The following SOX5 variants were observed in gnomAD, a reference collection of about 807,000 sequenced individuals.
SOX5 encodes the protein transcription factor SOX-5.
In SOX5, 9 loss-of-function variants were observed where a neutral mutation model predicts 92.0. The observed-to-expected ratio is 0.10, with a 90% CI of 0.06 to 0.17. The LOEUF (loss-of-function observed/expected upper bound fraction) is 0.17. Among genes scored for constraint, SOX5 ranks in the 10% least tolerant of loss-of-function variants. The pLI, the probability that SOX5 is intolerant of heterozygous loss-of-function variation, is 1.00. For missense variants in SOX5, 642 were observed against 944.5 expected (o/e 0.68, Z 4.20); for synonymous variants, 344 against 336.3 (o/e 1.02, Z -0.25).
At chr12:23,624,344 G>A (rs1177194334) in intron 8 of SOX5, among the ~76,000 whole-genome samples, 3 of 152,114 alleles carry the variant, frequency 2.0e-5, no homozygotes, top group Non-Finnish European at 4.4e-5. Flanking sequence ...TAAATTTTAT[G>A]TTAAACATAT....
At chr12:23,845,144 TACAC>T (rs970022848) in intron 3 of SOX5, among the ~76,000 whole-genome samples, 3 of 152,374 alleles carry the variant, frequency 2.0e-5, no homozygotes, top group African/African-American at 7.2e-5. Flanking sequence ...TTACACGGTA[TACAC>T]GCAGTGTATT....
At chr12:23,630,984 AGTAC>A (rs1318392365) in intron 8 of SOX5, among the ~76,000 whole-genome samples, 3 of 152,034 alleles carry the variant, frequency 2.0e-5, no homozygotes, top group South Asian at 4.1e-4. Context: ...TACATAATTA[AGTAC>A]ATTTTTCTGT....
chr12:23,738,840 G>C (rs1273560116), intron 5 of SOX5, among the ~76,000 whole-genome samples: 1 of 152,104 alleles, frequency 6.6e-6, no homozygotes, highest in Non-Finnish European at 1.5e-5. Context: ...GAGTGGTGTT[G>C]TTTTATACTG....
intron 4 of SOX5, among the ~76,000 whole-genome samples, chr12:23,980,500 T>A (rs1325751533): frequency 6.6e-6 from 1 of 152,182 alleles, no homozygotes; most frequent in East Asian, 1.9e-4. Flanking sequence ...CTACCATTGA[T>A]GTTGGGAGGT....
At chr12:23,808,335 A>G (rs2095817764) in intron 3 of SOX5, among the ~76,000 whole-genome samples, 1 of 152,084 alleles carries the variant, frequency 6.6e-6, no homozygotes, top group South Asian at 2.1e-4. Flanking sequence ...TAAGTTTTGT[A>G]TATTCCCTTA....
At chr12:23,776,514 A>T (rs143646114) in intron 3 of SOX5, among the ~76,000 whole-genome samples, 3 of 152,206 alleles carry the variant, frequency 2.0e-5, no homozygotes, top group Non-Finnish European at 1.5e-5. Context: ...GATGTTGAAG[A>T]CTTAGGCAAG....
intron 1 of SOX5, among the ~76,000 whole-genome samples, chr12:24,427,793 T>C (rs1047398036): frequency 6.6e-6 from 1 of 152,204 alleles, no homozygotes; most frequent in African/African-American, 2.4e-5. Flanking sequence ...TGGAAATATC[T>C]ACCAGCGCTT....
intron 2 of SOX5, among the ~76,000 whole-genome samples, chr12:23,886,625 T>G (rs1312257495): frequency 5.9e-5 from 9 of 152,178 alleles, no homozygotes; most frequent in Non-Finnish European, 1.2e-4. Flanking sequence ...TCACTTATAT[T>G]AAGTTTATAC....
At position 24,379,854 on chromosome 12, in the gene SOX5, T is replaced by C. The variant is rs573137907; in HGVS notation, c.-250-11215A>G. On this transcript the variant is annotated intron_variant, in intron 1 of 4. Transcript: ENST00000446891. ...CTTTAAAAAAAAAAAAGAGTCCTAA[T>C]TATTACACCTTCCAGAAGATTCTTT... Among the ~76,000 whole-genome samples the C allele has an allele frequency of 2.7e-5, 4 of 148,244 alleles. No individual in the cohort carries two copies. The South Asian group carries it at 8.5e-4, about 31-fold the overall frequency.
intron 1 of SOX5, among the ~76,000 whole-genome samples, chr12:24,458,603 G>A (rs199659570): frequency 1.3e-5 from 2 of 152,238 alleles, no homozygotes; most frequent in East Asian, 1.9e-4. Flanking sequence ...TCTAATTGCA[G>A]CCAAGATTGG....
Position 23,573,284 on chromosome 12 carries a change from CACCAAA to C in SOX5, c.1342+2371_1342+2376del, listed in dbSNP as rs1948644824. ...AACTTAGAAAAAGATGAGTTTATAT[CACCAAA>C]TTAACTTTATTTCTTCATATTCTTC... On this transcript the variant is annotated intron_variant, in intron 10 of 14. Transcript: ENST00000451604. Among the ~76,000 whole-genome samples, 4 of 152,242 alleles carry C rather than the reference CACCAAA, an allele frequency of 2.6e-5. No homozygotes were observed. In the East Asian group the frequency reaches 7.7e-4, roughly 29 times the overall value.
chr12:23,899,400 G>GAA (rs1167931566), intron 1 of SOX5, among the ~76,000 whole-genome samples: 1 of 120,014 alleles, frequency 8.3e-6, no homozygotes, highest in Non-Finnish European at 1.7e-5. Flanking sequence ...AACTCCGTCT[G>GAA]AAAAAAAAGA....
chr12:24,078,024 T>C (rs1343504236), intron 4 of SOX5, among the ~76,000 whole-genome samples: 1 of 151,854 alleles, frequency 6.6e-6, no homozygotes, highest in Non-Finnish European at 1.5e-5. Flanking sequence ...TTAGAATTTA[T>C]ATTTAAAAAG....
At chr12:23,934,665 A>T (rs147180290) in intron 1 of SOX5, among the ~76,000 whole-genome samples, 143 of 151,266 alleles carry the variant, frequency 9.5e-4, no homozygotes, top group African/African-American at 3.1e-3. Context: ...AATGTTACCT[A>T]CCATATTATA....
At chr12:24,156,578 T>A (rs1179294628) in intron 4 of SOX5, among the ~76,000 whole-genome samples, 1 of 152,144 alleles carries the variant, frequency 6.6e-6, no homozygotes, top group Non-Finnish European at 1.5e-5. Flanking sequence ...CTGCTGTATG[T>A]ATTAAAACAG....
intron 2 of SOX5, among the ~76,000 whole-genome samples, chr12:23,865,390 T>C (rs2096799609): frequency 1.3e-5 from 2 of 152,160 alleles, no homozygotes; most frequent in African/African-American, 2.4e-5. Flanking sequence ...GAAATACATT[T>C]TGGGGCCAAG....
At chr12:24,387,456 A>G (rs1958539059) in intron 1 of SOX5, among the ~76,000 whole-genome samples, 1 of 152,164 alleles carries the variant, frequency 6.6e-6, no homozygotes, top group South Asian at 2.1e-4. Context: ...AGGGAAGCCA[A>G]AAGATTGGAT....
At position 23,584,578 on chromosome 12, in the gene SOX5, C is replaced by T. The variant is rs765779846; in HGVS notation, c.1165-8740G>A. 7 of 1,611,350 alleles carry T rather than the reference C, an allele frequency of 4.3e-6. No individual in the cohort carries two copies. In the South Asian group the frequency reaches 7.7e-5, roughly 18 times the overall value. ...GCACAGCTCCTATGGCACAAATCTC[C>T]AACAGTCTGGTGAACCCACTATAAC... On this transcript the variant is annotated intron_variant, in intron 9 of 14. Coordinates refer to ENST00000451604, the MANE Select transcript of SOX5 (RefSeq NM_006940.6).
intron 4 of SOX5, among the ~76,000 whole-genome samples, chr12:24,172,099 G>A (rs888780015): frequency 2.1e-4 from 26 of 125,502 alleles, no homozygotes; most frequent in Non-Finnish European, 3.0e-4. Context: ...GTGTGCGTGC[G>A]CGCGTGTGTG....
Sources: allele counts gnomAD v4.1 joint callset (sites outside exome capture counted in the v4.1 genomes callset), GRCh38; gene constraint gnomAD v4.1.1; transcripts MANE v1.5; gene names NCBI Gene and HGNC (gene_info 2026-07-23, HGNC 2026-07-21).